NINL: variants seen among roughly 807,000 people sequenced by gnomAD.
NINL encodes the protein ninein-like protein.
NINL carries 153 observed loss-of-function variants against 160.3 expected under a neutral mutation model. The observed-to-expected ratio is 0.95, with a 90% confidence interval of 0.84 to 1.09. NINL has a LOEUF of 1.09. NINL is among the 50% of genes least tolerant of loss of function. NINL has a pLI of 0.00. For missense variants in NINL, 1,829 were observed against 1,764.0 expected, an observed-to-expected ratio of 1.04 and a Z score of -0.66; for synonymous variants, 800 against 734.8, an observed-to-expected ratio of 1.09 and a Z score of -1.43.
chr20:25,478,657 G>A (rs537540579), intron 16 of NINL, among the ~76,000 whole-genome samples: 4 of 152,256 alleles, frequency 2.6e-5, no homozygotes, highest in African/African-American at 7.2e-5. Context: ...TGTTGCTGCC[G>A]GGCACGGCTG....
In NINL at chr20:25,488,890, G is replaced by A. The variant is rs191728329; in HGVS notation, c.1677+354C>T. On this transcript the variant is annotated intron_variant, in intron 13 of 23. Transcript: ENST00000278886. ...GTCCTTGAGAACATTAAGCGTGTAC[G>A]GGGGTCCTCCTGGGTTTAAGTTTCA... The A allele has an allele frequency of 2.8e-3, 679 of 241,498 alleles. 1 individual carries two copies. Among genetic ancestry groups the A allele is most frequent in the Non-Finnish European group, 4.5e-3 (548 of 121,186 alleles). 15.0% of individuals were successfully genotyped at this position (241,498 alleles called of 1,614,324 possible).
In NINL at chr20:25,477,057, A is replaced by G. The variant is rs766303061; in HGVS notation, c.2234T>C (p.Leu745Pro). The part of the protein sequence containing the change: ...REAEAELSGE[L>P]SGLGALPARR... ...AGCGGGCAGGGCTCCCAGCCCCGAC[A>G]GCTCTCCACTCAGCTCCGCCTCAGC... The change falls in exon 17 of 24, where the codon CTG (leucine) becomes CCG (proline). Residue 745 changes from leucine (L) to proline (P), a missense_variant. Physicochemically the swap from Leu to Pro is moderately conservative, Grantham distance 98 (BLOSUM62 -3). Transcript: ENST00000278886. 3.1e-6 allele frequency: 5 copies of G among 1,598,166 alleles called. No homozygotes were observed. The highest frequency in any genetic ancestry group is 1.7e-5 in the Admixed American group (1 of 59,900).
chr20:25,515,697 T>C (rs978537143), intron 3 of NINL, among the ~76,000 whole-genome samples: 1 of 152,198 alleles, frequency 6.6e-6, no homozygotes, highest in African/African-American at 2.4e-5. Context: ...GAGGCAGAAC[T>C]TCCCCCTTGC....
chr20:25,479,187 TC>T lies in NINL; in HGVS notation c.1936del (p.Glu646LysfsTer5). ...LETKVNYYEREIAALKRNFEK... is the reference protein window; with the variant it reads ...LETKVNYYERXIAALKRNFEK... ...AAAGTTCCTTTTCAGTGCCGCAATT[TC>T]CCTTTCGTAGTAATTTACCTAAAAC... On this transcript the variant is annotated frameshift_variant, in exon 16 of 24. Transcript: ENST00000278886. LOFTEE classifies it high-confidence loss of function. 1.9e-6 allele frequency: 3 copies of T among 1,607,970 alleles called. No homozygotes were observed. In the South Asian group the frequency reaches 3.3e-5, roughly 18 times the overall value.
intron 13 of NINL, among the ~76,000 whole-genome samples, chr20:25,485,833 T>C (rs1158749243): frequency 6.6e-6 from 1 of 152,258 alleles, no homozygotes; most frequent in Non-Finnish European, 1.5e-5. Context: ...TACAGTGTTC[T>C]GTCCAGGGCC....
At chr20:25,539,950 T>C (rs2064633625) in intron 1 of NINL, 2 of 1,061,242 alleles carry the variant, frequency 1.9e-6, no homozygotes, top group Non-Finnish European at 2.5e-6. Flanking sequence ...TCCCGGGGGC[T>C]CCCAGGCCTG....
intron 2 of NINL, among the ~76,000 whole-genome samples, chr20:25,519,335 G>A (rs945303945): frequency 2.0e-5 from 3 of 151,786 alleles, no homozygotes; most frequent in Non-Finnish European, 4.4e-5. Context: ...TACTATTTTT[G>A]GTTTTGTATA....
At chr20:25,471,437 T>C (rs1170552800) in intron 17 of NINL, among the ~76,000 whole-genome samples, 1 of 152,226 alleles carries the variant, frequency 6.6e-6, no homozygotes, top group African/African-American at 2.4e-5. Context: ...GTTTTTAAAC[T>C]ATCACTCTGG....
At chr20:25,494,369 C>A (rs2063705597) in intron 10 of NINL, among the ~76,000 whole-genome samples, 1 of 152,036 alleles carries the variant, frequency 6.6e-6, no homozygotes. Context: ...ACTCACAGCA[C>A]CCACATGGCA....
rs114057511 is a variant in NINL at position 25,521,522 on chromosome 20, T to C, written c.181-3673A>G. Reference sequence around the variant, plus strand: ...ATATGCTGGTCATTGTATTTGGCTATTATTTAGGAAAAATTTCAGATTTGG... The same window carrying C: ...ATATGCTGGTCATTGTATTTGGCTACTATTTAGGAAAAATTTCAGATTTGG... On this transcript the variant is annotated intron_variant, in intron 2 of 23. Coordinates refer to ENST00000278886, the MANE Select transcript of NINL (RefSeq NM_025176.6). Among the ~76,000 whole-genome samples, 989 of 152,362 alleles carry C rather than the reference T, an allele frequency of 6.5e-3. 11 individuals are homozygous for C. The highest frequency in any genetic ancestry group is 0.02 in the African/African-American group (824 of 41,588).
At chr20:25,575,022 GA>G (rs933823507) in intron 1 of NINL, among the ~76,000 whole-genome samples, 3 of 149,356 alleles carry the variant, frequency 2.0e-5, no homozygotes, top group African/African-American at 2.5e-5. Flanking sequence ...ATCAAGCAAA[GA>G]AAAAAAAAGG....
chr20:25,460,303 T>A (rs1214537673), intron 21 of NINL, among the ~76,000 whole-genome samples: 1 of 152,182 alleles, frequency 6.6e-6, no homozygotes, highest in African/African-American at 2.4e-5. Flanking sequence ...TTCCTGATGC[T>A]GACTGGAAGC....
intron 1 of NINL, among the ~76,000 whole-genome samples, chr20:25,539,209 G>C (rs2064616159): frequency 6.6e-6 from 1 of 152,216 alleles, no homozygotes; most frequent in Non-Finnish European, 1.5e-5. Flanking sequence ...CCATGCTCCT[G>C]CTGCCAGGGT....
At chr20:25,493,374 G>C (rs2063679973) in intron 10 of NINL, among the ~76,000 whole-genome samples, 1 of 152,128 alleles carries the variant, frequency 6.6e-6, no homozygotes, top group Non-Finnish European at 1.5e-5. Context: ...GGCACCAACA[G>C]GGATAGGTGG....
rs762136728 is a variant in NINL at position 25,517,768 on chromosome 20, T to G, written c.262A>C (p.Ser88Arg). 2.5e-6 allele frequency: 4 copies of G among 1,600,710 alleles called. No homozygotes were observed. The highest frequency in any genetic ancestry group is 3.4e-6 in the Non-Finnish European group (4 of 1,176,200). Residue 88 changes from serine (S) to arginine (R), a missense_variant, in exon 3 of 24, where the codon AGT (serine) becomes CGT (arginine). By Grantham distance (110) the Ser-to-Arg change is moderately radical. Transcript: ENST00000278886. ...AGVRPSDEDS[S>R]SLESAASSAI... is the part of the protein sequence containing the mutation. ...ATCCTCTTACCTGATTCCAAAGAAC[T>G]ACTGTCTTCATCTGAGGGGCGAACA...
chr20:25,519,067 A>T (rs564631676), intron 2 of NINL, among the ~76,000 whole-genome samples: 28 of 147,474 alleles, frequency 1.9e-4, no homozygotes, highest in African/African-American at 3.5e-4. Flanking sequence ...ATTGCACTCC[A>T]GCCTAGGCAA....
intron 1 of NINL, among the ~76,000 whole-genome samples, chr20:25,549,773 TC>T (rs2064784868): frequency 6.6e-6 from 1 of 152,316 alleles, no homozygotes; most frequent in African/African-American, 2.4e-5. Context: ...AGCCACTCTT[TC>T]CAACCAACTC....
At chr20:25,457,360 C>G (rs925849057) in intron 22 of NINL, among the ~76,000 whole-genome samples, 8 of 152,126 alleles carry the variant, frequency 5.3e-5, no homozygotes, top group Admixed American at 2.0e-4. Flanking sequence ...TATGTTCTGG[C>G]CCAAACCACA....
intron 19 of NINL, among the ~76,000 whole-genome samples, chr20:25,465,600 G>A (rs978101478): frequency 1.3e-5 from 2 of 152,064 alleles, no homozygotes; most frequent in Admixed American, 1.3e-4. Flanking sequence ...TCCAACCCTG[G>A]CCATTAGGTC....
Sources: gnomAD v4.1 joint callset for allele counts (sites outside exome capture counted in the v4.1 genomes callset) on GRCh38, gnomAD v4.1.1 for gene constraint, MANE v1.5 for transcripts, NCBI Gene and HGNC (gene_info 2026-07-23, HGNC 2026-07-21) for gene names.